The following DHX33 variants were observed in gnomAD, a reference collection of about 807,000 sequenced individuals.
DHX33 encodes DEAH-box helicase 33, also known as ATP-dependent RNA helicase DHX33.
In DHX33, 42 loss-of-function variants were observed where a neutral mutation model predicts 72.5. That is an observed-to-expected ratio of 0.58 (90% confidence interval 0.45 to 0.75). The LOEUF is 0.75. Among genes scored for constraint, DHX33 ranks in the 30% least tolerant of loss-of-function variants. The pLI is 0.00. For missense variants in DHX33, 842 were observed against 917.5 expected (o/e 0.92, Z 1.06); for synonymous variants, 358 against 366.1 (o/e 0.98, Z 0.25).
intron 3 of DHX33, 74 bp from the exon 4 acceptor site, chr17:5,461,183 A>G (rs1904590147): frequency 1.3e-6 from 2 of 1,494,706 alleles, no homozygotes; most frequent in South Asian, 2.5e-5. Context: ...TCGAGCCCCA[A>G]AAGCAGATGA....
chr17:5,447,666 T>C (rs1916713400), intron 11 of DHX33, among the ~76,000 whole-genome samples: 1 of 152,092 alleles, frequency 6.6e-6, no homozygotes, highest in Non-Finnish European at 1.5e-5. Context: ...GGTGGACACT[T>C]TGGCAATATC....
chr17:5,466,254 C>A (rs1209091605), intron 1 of DHX33, among the ~76,000 whole-genome samples: 1 of 152,190 alleles, frequency 6.6e-6, no homozygotes, highest in African/African-American at 2.4e-5. Flanking sequence ...AAATAGGTTT[C>A]ATGTTAGATA....
At chr17:5,462,894 A>G (rs926020058) in intron 2 of DHX33, among the ~76,000 whole-genome samples, 2 of 152,144 alleles carry the variant, frequency 1.3e-5, no homozygotes, top group Non-Finnish European at 2.9e-5. Flanking sequence ...CCTGACCAAC[A>G]TGCTGAAATC....
At chr17:5,445,929 G>A (rs545904547) in intron 11 of DHX33, among the ~76,000 whole-genome samples, 136 of 152,208 alleles carry the variant, frequency 8.9e-4, no homozygotes, top group Non-Finnish European at 1.5e-3. Flanking sequence ...CTTTATGATG[G>A]CTCTAGGGTT....
chr17:5,443,226 T>TCCCCCA lies in DHX33; in HGVS notation c.*973_*978dup, dbSNP rs1597353051. 1 of 89,988 alleles carries TCCCCCA rather than the reference T, an allele frequency of 1.1e-5. No homozygotes were observed. Among genetic ancestry groups the TCCCCCA allele is most frequent in the Non-Finnish European group, 2.3e-5 (1 of 44,152 alleles). The allele number at this position is 89,988 out of a possible 1,614,324, so 5.6% of individuals were successfully genotyped here. On this transcript the variant is annotated 3_prime_UTR_variant, in exon 12 of 12. Coordinates refer to ENST00000225296, the MANE Select transcript of DHX33 (RefSeq NM_020162.4). ...CTGGGTTCTAGGTACCCCTCTCCCCTCCCCCACCCCCACCCCCTCTGACCA... is the reference window on the plus strand; with the variant it reads ...CTGGGTTCTAGGTACCCCTCTCCCCTCCCCCACCCCCACCCCCACCCCCTCTGACCA...
chr17:5,458,400 T>G (rs1019267718), intron 4 of DHX33, among the ~76,000 whole-genome samples: 1 of 152,104 alleles, frequency 6.6e-6, no homozygotes, highest in Non-Finnish European at 1.5e-5. Context: ...GATGATGGTG[T>G]GCTACTAGCA....
At chr17:5,450,748 A>G (rs1916865629) in intron 9 of DHX33, 59 bp downstream of exon 9, 1 of 1,609,912 alleles carries the variant, frequency 6.2e-7, no homozygotes. Context: ...AGATGGTACT[A>G]CTTTGGGACG....
Position 5,450,837 on chromosome 17 carries a change from T to C in DHX33, c.1494A>G (p.Ala498=), listed in dbSNP as rs1916870339. ...CAAATTTGGGTTCTAAAGGAAATGCTGCCATCTTTCTTCCCATTGGAGTCA... is the reference window on the plus strand; with the variant it reads ...CAAATTTGGGTTCTAAAGGAAATGCCGCCATCTTTCTTCCCATTGGAGTCA... ...LTLTPMGRKM[A]AFPLEPKFAK... Residue 498 remains alanine, a synonymous_variant, in exon 9 of 12, where the codon GCA becomes GCG. Transcript: ENST00000225296. 2 of 1,614,250 alleles carry C rather than the reference T, an allele frequency of 1.2e-6. No individual in the cohort carries two copies. The highest frequency in any genetic ancestry group is 1.7e-6 in the Non-Finnish European group (2 of 1,180,046).
intron 1 of DHX33, among the ~76,000 whole-genome samples, chr17:5,467,868 A>G (rs1161836151): frequency 6.6e-6 from 1 of 152,194 alleles, no homozygotes; most frequent in Non-Finnish European, 1.5e-5. Context: ...AACTAAAGAA[A>G]AGCTGTCTTT....
intron 4 of DHX33, among the ~76,000 whole-genome samples, chr17:5,456,503 T>C (rs1904333288): frequency 6.6e-6 from 1 of 152,084 alleles, no homozygotes; most frequent in Admixed American, 6.5e-5. Context: ...TTTTTTAAAT[T>C]GGTCAGGGGT....
chr17:5,456,657 T>A (rs781134552), intron 4 of DHX33, among the ~76,000 whole-genome samples: 2 of 152,164 alleles, frequency 1.3e-5, no homozygotes, highest in Non-Finnish European at 2.9e-5. Flanking sequence ...GTGATGAAAT[T>A]TTGAAGGGAA....
rs908490266 is a variant in DHX33, at chr17:5,444,346, G to T, written c.1983C>A (p.Cys661Ter). 6.2e-7 allele frequency: 1 copy of T among 1,614,242 alleles called. No individual in the cohort carries two copies. Among genetic ancestry groups the T allele is most frequent in the Admixed American group, 1.7e-5 (1 of 60,034 alleles). ...CAGTGTACACGACGCAGGCCGGCTTGCAGTGGAAGAGGACAGACGACGGGT... is the reference window on the plus strand; with the variant it reads ...CAGTGTACACGACGCAGGCCGGCTTTCAGTGGAAGAGGACAGACGACGGGT... ...AIHPSSVLFH[C>*]KPACVVYTEL... Residue 661 changes from cysteine (C) to a stop codon, truncating the protein, a stop_gained, in exon 12 of 12, where the codon TGC becomes TGA. Coordinates refer to ENST00000225296, the MANE Select transcript of DHX33 (RefSeq NM_020162.4). LOFTEE classifies it high-confidence loss of function. The surrounding 1 kb of genome is among the most constrained non-coding windows in gnomAD (Gnocchi z 4.9).
intron 5 of DHX33, 40 bp from the exon 6 acceptor site, chr17:5,455,311 C>T (rs1383762756): frequency 2.3e-5 from 35 of 1,531,234 alleles, no homozygotes; most frequent in Middle Eastern, 3.4e-4. Context: ...CATTGACACA[C>T]GGATGATTCA....
chr17:5,459,989 G>A (rs1351571399), intron 4 of DHX33, among the ~76,000 whole-genome samples: 2 of 144,582 alleles, frequency 1.4e-5, no homozygotes, highest in African/African-American at 5.6e-5. Context: ...TATGTATAGC[G>A]TACGGGGTTG....
chr17:5,451,132 G>A (rs1258788315), intron 8 of DHX33, among the ~76,000 whole-genome samples, 198 bp from the exon 9 acceptor site: 1 of 152,198 alleles, frequency 6.6e-6, no homozygotes, highest in Non-Finnish European at 1.5e-5. Flanking sequence ...TTGAGACAGA[G>A]TCTTGCTCTG....
At chr17:5,466,078 C>T (rs1164644951) in intron 1 of DHX33, among the ~76,000 whole-genome samples, 4 of 152,142 alleles carry the variant, frequency 2.6e-5, no homozygotes, top group Admixed American at 2.6e-4. Flanking sequence ...GAGTTCTTCC[C>T]CTCAACCTCT....
chr17:5,442,104 A>C lies in DHX33; in HGVS notation c.*2101T>G. The stretch of plus-strand genomic sequence containing the variant: ...GAGACGGGGTTTTGCCATGTTGGCC[A>C]GGCTGGTCTTGAACTTCTCAAGCAA... On this transcript the variant is annotated 3_prime_UTR_variant, in exon 12 of 12. Transcript: ENST00000225296. 6.6e-6 allele frequency: 1 copy of C among 152,158 alleles called. No homozygotes were observed. The highest frequency in any genetic ancestry group is 3.1e-3 in the Middle Eastern group (1 of 318). The allele number at this position is 152,158 out of a possible 1,614,324, so 9.4% of individuals were successfully genotyped here.
chr17:5,455,380 G>T, intron 5 of DHX33, 109 bp from the exon 6 acceptor site: 1 of 887,570 alleles, frequency 1.1e-6, no homozygotes. Context: ...ACCAACAGAA[G>T]ATGACTCCAT....
At position 5,450,284 on chromosome 17, in the gene DHX33, G is replaced by C; in HGVS notation, c.1647C>G (p.Arg549=). 6.2e-7 allele frequency: 1 copy of C among 1,614,194 alleles called. No individual in the cohort carries two copies. The highest frequency in any genetic ancestry group is 8.5e-7 in the Non-Finnish European group (1 of 1,180,038). ...PSRREEVQGV[R]KKFISSEGDH... ...CCCCCTCGCTGGATATGAACTTCTT[G>C]CGGACCCCTTGCACTTCCTCTCGCC... is the stretch of plus-strand genomic sequence containing the variant. Residue 549 remains arginine, a synonymous_variant, in exon 10 of 12, where the codon CGC becomes CGG. Coordinates refer to ENST00000225296, the MANE Select transcript of DHX33 (RefSeq NM_020162.4).
Sources: gnomAD v4.1 joint callset for allele counts (sites outside exome capture counted in the v4.1 genomes callset) on GRCh38, gnomAD v4.1.1 for gene constraint, Gnocchi (gnomAD v3.1) non-coding constraint, MANE v1.5 for transcripts, NCBI Gene and HGNC (gene_info 2026-07-23, HGNC 2026-07-21) for gene names.